RBL1: variants seen among roughly 807,000 people sequenced by gnomAD.
RBL1 encodes the protein retinoblastoma-like protein 1.
Under a neutral mutation model 123.0 loss-of-function variants are expected in RBL1, and 82 were observed. The observed-to-expected ratio is 0.67, with a 90% CI of 0.56 to 0.80. The LOEUF (loss-of-function observed/expected upper bound fraction) is 0.80, where lower values mean the gene tolerates loss of function less well. Among genes scored for constraint, RBL1 ranks in the 30% least tolerant of loss-of-function variants. The pLI is 0.00. For synonymous variants in RBL1, 405 were observed against 441.3 expected, an observed-to-expected ratio of 0.92 and a Z score of 1.03; for missense variants, 1,171 against 1,299.6, an observed-to-expected ratio of 0.90 and a Z score of 1.52.
rs1420344742 is a variant in RBL1, at chr20:37,068,193, A to G, written c.291-7T>C. On this transcript the variant is annotated splice_region_variant and splice_polypyrimidine_tract_variant and intron_variant, in intron 2 of 21. Transcript: ENST00000373664. ...ACTAAAAAATTGTATTAAACTAAAA[A>G]AAAAAAGGAGGAGAAAAAAGGCACC... 2 of 1,546,394 alleles carry G rather than the reference A, an allele frequency of 1.3e-6. No homozygotes were observed. The highest frequency in any genetic ancestry group is 4.6e-5 in the Admixed American group (2 of 43,724).
At chr20:37,017,624 G>GTGTGTGTGTGTGTC (rs1185625807) in intron 19 of RBL1, among the ~76,000 whole-genome samples, 3 of 149,158 alleles carry the variant, frequency 2.0e-5, no homozygotes, top group Admixed American at 1.3e-4. Context: ...ATTTTCTTGT[G>GTGTGTGTGTGTGTC]TGTGTGTGTG....
At chr20:37,025,705 C>G (rs2064408196) in intron 16 of RBL1, among the ~76,000 whole-genome samples, 1 of 150,704 alleles carries the variant, frequency 6.6e-6, no homozygotes. Flanking sequence ...AGTTAGAAAC[C>G]TTGTGTTGAA....
chr20:37,066,786 C>T lies in RBL1; in HGVS notation c.784G>A (p.Glu262Lys). 11 of 1,613,670 alleles carry T rather than the reference C, an allele frequency of 6.8e-6. No individual in the cohort carries two copies. Among genetic ancestry groups the T allele is most frequent in the Non-Finnish European group, 9.3e-6 (11 of 1,179,738 alleles). The part of the protein sequence containing the change: ...LCELHDGLLV[E>K]AKGIKEHYFK... ...TAGTGCTCCTTTATTCCTTTTGCTT[C>T]TACGAGAAGTCCATCATGCAGTTCA... Residue 262 changes from glutamate (E) to lysine (K), a missense_variant, in exon 6 of 22, where the codon GAA (glutamate) becomes AAA (lysine). Glu to Lys is a moderately conservative substitution (Grantham distance 56, BLOSUM62 1). Coordinates refer to ENST00000373664, the MANE Select transcript of RBL1 (RefSeq NM_002895.5).
At chr20:37,000,986 C>G (rs1443206434) in intron 21 of RBL1, among the ~76,000 whole-genome samples, 1 of 141,636 alleles carries the variant, frequency 7.1e-6, no homozygotes, top group Non-Finnish European at 1.5e-5. Flanking sequence ...AGAGAGGAGC[C>G]CCTCTGCCTG....
At chr20:37,024,862 T>C (rs1177844859) in intron 16 of RBL1, among the ~76,000 whole-genome samples, 1 of 152,136 alleles carries the variant, frequency 6.6e-6, no homozygotes, top group African/African-American at 2.4e-5. Flanking sequence ...TCCTTAGGCA[T>C]AGGAGGGGGT....
At chr20:36,999,782 G>A (rs1600426300) in intron 21 of RBL1, among the ~76,000 whole-genome samples, 1 of 152,244 alleles carries the variant, frequency 6.6e-6, no homozygotes, top group East Asian at 1.9e-4. Flanking sequence ...ACGGAGTCGC[G>A]TTTACTCAGT....
At chr20:37,075,943 A>AT (rs1414637147) in intron 2 of RBL1, among the ~76,000 whole-genome samples, 1 of 152,246 alleles carries the variant, frequency 6.6e-6, no homozygotes, top group Non-Finnish European at 1.5e-5. Flanking sequence ...AATAAGTAAT[A>AT]TGCACAAGCA....
Position 37,061,251 on chromosome 20 carries a change from A to C in RBL1, c.1102T>G (p.Ser368Ala), listed in dbSNP as rs1397609654. ...TATCTCCGTCCGGTCAGTGGGGTAG[A>C]AGGTGCAAATGACCTTTTCTGTCAG... ...HFEKKRSFAP[S>A]TPLTGRRYLR... Residue 368 changes from serine to alanine, a missense_variant, in exon 9 of 22, where the codon TCT becomes GCT. Physicochemically the swap from Ser to Ala is moderately conservative, Grantham distance 99. Transcript: ENST00000373664. 1 of 1,611,976 alleles carries C rather than the reference A, an allele frequency of 6.2e-7. No homozygotes were observed. Among genetic ancestry groups the C allele is most frequent in the South Asian group, 1.1e-5 (1 of 90,440 alleles).
At chr20:37,000,947 GCGCCTCTGCCCGGC>G (rs1430885852) in intron 21 of RBL1, among the ~76,000 whole-genome samples, 1 of 146,032 alleles carries the variant, frequency 6.8e-6, no homozygotes, top group Admixed American at 6.7e-5. Flanking sequence ...GAGGTGAGGG[GCGCCTCTGCCCGGC>G]CGCCCCTACT....
At chr20:37,047,619 T>C (rs999710355) in intron 11 of RBL1, among the ~76,000 whole-genome samples, 5 of 152,220 alleles carry the variant, frequency 3.3e-5, no homozygotes, top group Non-Finnish European at 5.9e-5. Flanking sequence ...AGTCCTACTT[T>C]ACCATTAAGT....
At chr20:37,024,753 T>G (rs1432320574) in intron 16 of RBL1, among the ~76,000 whole-genome samples, 2 of 152,202 alleles carry the variant, frequency 1.3e-5, no homozygotes, top group East Asian at 3.8e-4. Flanking sequence ...CTGTCAAACT[T>G]AGGTTAATTA....
At chr20:37,044,346 T>C in intron 12 of RBL1, 96 bp from the exon 13 acceptor site, 4 of 1,258,048 alleles carry the variant, frequency 3.2e-6, no homozygotes, top group Non-Finnish European at 4.4e-6. Flanking sequence ...TTCTTCTTCT[T>C]CTTTTTTTTG....
At chr20:37,074,104 C>G (rs971583928) in intron 2 of RBL1, among the ~76,000 whole-genome samples, 1 of 151,912 alleles carries the variant, frequency 6.6e-6, no homozygotes, top group Non-Finnish European at 1.5e-5. Context: ...GAGCGAGACA[C>G]TGTCTCAAAA....
chr20:37,060,173 AAAATAAATAAATAAAT>A (rs11473427), intron 9 of RBL1, among the ~76,000 whole-genome samples: 8 of 146,308 alleles, frequency 5.5e-5, no homozygotes, highest in Admixed American at 6.9e-5. Flanking sequence ...ACTCTGTCTC[AAAATAAATAAATAAAT>A]AAATAAATAA....
chr20:37,000,927 C>T (rs1188327887), intron 21 of RBL1, among the ~76,000 whole-genome samples: 111 of 144,560 alleles, frequency 7.7e-4, no homozygotes, highest in African/African-American at 2.8e-3. Flanking sequence ...CGGCCAGCCG[C>T]CCCATCCGGG....
intron 2 of RBL1, among the ~76,000 whole-genome samples, chr20:37,087,191 T>C (rs1369189270): frequency 6.6e-6 from 1 of 151,970 alleles, no homozygotes; most frequent in Non-Finnish European, 1.5e-5. Context: ...AAAAATTAGC[T>C]GGGCGTGGTG....
chr20:37,045,081 CTTATTTATTTATTTAT>C (rs373003508), intron 12 of RBL1, among the ~76,000 whole-genome samples: 21 of 146,228 alleles, frequency 1.4e-4, no homozygotes, highest in East Asian at 8.1e-4. Context: ...CATTTATTTA[CTTATTTATTTATTTAT>C]TTATTTATTT....
In RBL1 at chr20:37,020,690, C is replaced by T. The variant is rs1227048315; in HGVS notation, c.2600G>A (p.Ser867Asn). The change falls in exon 18 of 22, where the codon AGT becomes AAT. Residue 867 changes from serine (S) to asparagine (N), a missense_variant. By Grantham distance (46) the Ser-to-Asn change is conservative. Coordinates refer to ENST00000373664, the MANE Select transcript of RBL1 (RefSeq NM_002895.5). Reference sequence around the variant, plus strand: ...ATTAGCTTGGGGCTGATTCCTATAACTTTTCATAATTTCTTGAAAAGTTCT... The same window carrying T: ...ATTAGCTTGGGGCTGATTCCTATAATTTTTCATAATTTCTTGAAAAGTTCT... Reference protein sequence around the residue: ...EERTFQEIMKSYRNQPQANSH... With the variant: ...EERTFQEIMKNYRNQPQANSH... The T allele has an allele frequency of 1.3e-6, 2 of 1,589,130 alleles. 1 individual carries two copies. The highest frequency in any genetic ancestry group is 2.3e-5 in the South Asian group (2 of 87,320).
At chr20:37,070,483 TA>T (rs1156767825) in intron 2 of RBL1, among the ~76,000 whole-genome samples, 1,992 of 146,428 alleles carry the variant, frequency 0.014, 47 homozygotes, top group African/African-American at 0.045. Context: ...TAAATAAATT[TA>T]AAAAAAAAAA....
Sources: gnomAD v4.1 joint callset for allele counts (sites outside exome capture counted in the v4.1 genomes callset) on GRCh38, gnomAD v4.1.1 for gene constraint, MANE v1.5 for transcripts, NCBI Gene and HGNC (gene_info 2026-07-23, HGNC 2026-07-21) for gene names.